The following NLGN1 variants were observed in gnomAD, a reference collection of about 807,000 sequenced individuals.
NLGN1 encodes neuroligin 1.
NLGN1 carries 12 observed loss-of-function variants against 65.5 expected under a neutral mutation model. The observed-to-expected ratio is 0.18, with a 90% CI of 0.12 to 0.30. NLGN1 has a LOEUF of 0.30. Among genes scored for constraint, NLGN1 ranks in the 10% least tolerant of loss-of-function variants. NLGN1 has a pLI of 1.00. For synonymous variants in NLGN1, 350 were observed against 359.5 expected (o/e 0.97, Z 0.30); for missense variants, 750 against 1,007.1 (o/e 0.74, Z 3.46).
chr3:173,410,257 T>G (rs1440939933), intron 1 of NLGN1, among the ~76,000 whole-genome samples: 1 of 152,208 alleles, frequency 6.6e-6, no homozygotes, highest in Non-Finnish European at 1.5e-5. Flanking sequence ...CATAGCACTT[T>G]TGCCTGGCAC....
At chr3:173,922,577 A>AT (rs1742254216) in intron 4 of NLGN1, among the ~76,000 whole-genome samples, 2 of 152,074 alleles carry the variant, frequency 1.3e-5, no homozygotes, top group Admixed American at 1.3e-4. Context: ...TTTTGGGTAC[A>AT]TTTTTTCAAG....
chr3:174,100,571 C>A (rs182486462), intron 4 of NLGN1, among the ~76,000 whole-genome samples: 22 of 152,042 alleles, frequency 1.4e-4, no homozygotes, highest in African/African-American at 5.1e-4. Context: ...TCTCCCCTCA[C>A]CCCATCACTT....
intron 2 of NLGN1, among the ~76,000 whole-genome samples, chr3:173,472,814 T>C (rs1244397531): frequency 6.6e-6 from 1 of 152,168 alleles, no homozygotes; most frequent in Admixed American, 6.6e-5. Flanking sequence ...TAAAAAAGAA[T>C]TGTCTGTACT....
At chr3:174,180,497 C>T (rs897397039) in intron 4 of NLGN1, among the ~76,000 whole-genome samples, 3 of 152,100 alleles carry the variant, frequency 2.0e-5, no homozygotes, top group Non-Finnish European at 4.4e-5. Flanking sequence ...GTACAAATGG[C>T]TTTAATGAGG....
intron 4 of NLGN1, among the ~76,000 whole-genome samples, chr3:174,152,033 A>G (rs1724462395): frequency 6.6e-6 from 1 of 152,172 alleles, no homozygotes; most frequent in Non-Finnish European, 1.5e-5. Flanking sequence ...ATCTGTTCTA[A>G]TATCAGAACA....
intron 4 of NLGN1, among the ~76,000 whole-genome samples, chr3:174,195,155 C>T (rs540666089): frequency 6.6e-6 from 1 of 152,292 alleles, no homozygotes; most frequent in Admixed American, 6.5e-5. Flanking sequence ...GCCACCGCCC[C>T]CAGCCAAAGA....
chr3:173,701,766 T>C (rs890279916), intron 3 of NLGN1, among the ~76,000 whole-genome samples: 26 of 152,208 alleles, frequency 1.7e-4, no homozygotes, highest in Non-Finnish European at 3.7e-4. Context: ...TACAAGCCCA[T>C]TGCCCTTAAG....
chr3:173,699,902 A>G (rs1370897860), intron 3 of NLGN1, among the ~76,000 whole-genome samples: 1 of 152,236 alleles, frequency 6.6e-6, no homozygotes, highest in African/African-American at 2.4e-5. Flanking sequence ...AAGAAAAAGA[A>G]AAGAGAACTT....
intron 3 of NLGN1, among the ~76,000 whole-genome samples, chr3:173,711,021 G>C (rs956123683): frequency 1.3e-4 from 20 of 152,042 alleles, no homozygotes; most frequent in African/African-American, 4.8e-4. Context: ...TCAGATTCTT[G>C]TTTATTACAC....
At chr3:174,020,049 C>T (rs1321936721) in intron 4 of NLGN1, among the ~76,000 whole-genome samples, 2 of 152,008 alleles carry the variant, frequency 1.3e-5, no homozygotes, top group Non-Finnish European at 2.9e-5. Flanking sequence ...AGATTCTGCT[C>T]CTCTTGTATT....
intron 3 of NLGN1, 134 bp downstream of exon 2, chr3:173,605,225 G>A (rs1751187663): frequency 2.9e-6 from 2 of 694,544 alleles, no homozygotes; most frequent in South Asian, 4.2e-5. Flanking sequence ...TTTTACATGC[G>A]TGCATGGTGC....
intron 4 of NLGN1, among the ~76,000 whole-genome samples, chr3:174,193,040 CTAAT>C (rs1275174758): frequency 6.6e-6 from 1 of 152,078 alleles, no homozygotes; most frequent in East Asian, 1.9e-4. Context: ...TGGTATATAA[CTAAT>C]TGTCAGCTCC....
At chr3:174,048,613 T>TA (rs1734152426) in intron 4 of NLGN1, among the ~76,000 whole-genome samples, 1 of 151,402 alleles carries the variant, frequency 6.6e-6, no homozygotes, top group Non-Finnish European at 1.5e-5. Context: ...AATCTGTAGA[T>TA]AAAAGACAAA....
intron 3 of NLGN1, among the ~76,000 whole-genome samples, chr3:173,779,123 G>C (rs1038754167): frequency 4.6e-5 from 7 of 151,608 alleles, no homozygotes; most frequent in South Asian, 2.1e-4. Flanking sequence ...ATAAATAGTT[G>C]CTTTGCAGAA....
chr3:174,019,842 A>G (rs1484447292), intron 4 of NLGN1, among the ~76,000 whole-genome samples: 1 of 152,148 alleles, frequency 6.6e-6, no homozygotes, highest in Non-Finnish European at 1.5e-5. Context: ...AAATAGTAAT[A>G]TATAAATAGC....
At position 174,116,330 on chromosome 3, in the gene NLGN1, C is replaced by CTTTTTTTTTTT. The variant is rs1168837585; in HGVS notation, c.647-158968_647-158958dup. On this transcript the variant is annotated intron_variant, in intron 4 of 6. Transcript: ENST00000457714. ...ACATGTAAGTTTTTTTCTGGGTTTT[C>CTTTTTTTTTTT]TTTTTTTTTTTTTTTTTTTTTTTTT... Among the ~76,000 whole-genome samples the CTTTTTTTTTTT allele has an allele frequency of 6.0e-4, 42 of 69,650 alleles. 12 individuals are homozygous for CTTTTTTTTTTT. Among genetic ancestry groups the CTTTTTTTTTTT allele is most frequent in the Non-Finnish European group, 7.8e-4 (26 of 33,128 alleles). The allele number at this position is 69,650 out of a possible 152,430, so 45.7% of individuals were successfully genotyped here. A position where few individuals can be genotyped will look rare whatever the true frequency, so the allele number is the denominator to read the frequency against.
At chr3:173,548,163 A>G (rs1740217497) in intron 2 of NLGN1, among the ~76,000 whole-genome samples, 1 of 152,090 alleles carries the variant, frequency 6.6e-6, no homozygotes. Context: ...CCCTTCACTT[A>G]CCATATGCAG....
intron 3 of NLGN1, among the ~76,000 whole-genome samples, chr3:173,747,795 CTTGTTCTTTTT>C (rs1775706824): frequency 1.3e-5 from 1 of 78,576 alleles, no homozygotes; most frequent in African/African-American, 6.2e-5. Flanking sequence ...TCTTCTTCTT[CTTGTTCTTTTT>C]TTTTTTTTTT....
chr3:174,029,590 A>C (rs749465972), intron 4 of NLGN1, among the ~76,000 whole-genome samples: 1 of 152,174 alleles, frequency 6.6e-6, no homozygotes, highest in Non-Finnish European at 1.5e-5. Context: ...ACTGTTGGGA[A>C]GGCATACTTG....
Sources: gnomAD v4.1 joint callset for allele counts (sites outside exome capture counted in the v4.1 genomes callset) on GRCh38, gnomAD v4.1.1 for gene constraint, MANE v1.5 for transcripts, NCBI Gene and HGNC (gene_info 2026-07-23, HGNC 2026-07-21) for gene names.